MYH14: variants seen among roughly 807,000 people sequenced by gnomAD.
MYH14 encodes myosin-14.
Under a neutral mutation model 255.5 loss-of-function variants are expected in MYH14, and 123 were observed. That is an observed-to-expected ratio of 0.48 (90% CI 0.42 to 0.56). The LOEUF is 0.56. Among genes scored for constraint, MYH14 ranks in the 20% least tolerant of loss-of-function variants. The probability of loss-of-function intolerance (pLI) is 0.00; values close to 1 mark genes in which losing one functional copy is unlikely to be tolerated. For synonymous variants in MYH14, 1,095 were observed against 1,161.2 expected (o/e 0.94, Z 1.16); for missense variants, 2,423 against 2,802.3 (o/e 0.86, Z 3.06).
At chr19:50,206,342 T>C (rs2031750458) in intron 1 of MYH14, among the ~76,000 whole-genome samples, 1 of 137,612 alleles carries the variant, frequency 7.3e-6, no homozygotes, top group Non-Finnish European at 1.5e-5. Flanking sequence ...GCATAGGGCA[T>C]AGGGTGATTG....
intron 35 of MYH14, among the ~76,000 whole-genome samples, chr19:50,290,088 C>T (rs1391430429): frequency 2.6e-5 from 4 of 152,074 alleles, no homozygotes; most frequent in African/African-American, 7.2e-5. Context: ...CAGCCTCTCC[C>T]CCAACCAGCG....
rs775439060 is a variant in MYH14 at position 50,210,788 on chromosome 19, G to T, written c.405+18G>T. The stretch of plus-strand genomic sequence containing the variant: ...TCATCTACGTGAGTGGGCTCCTGCT[G>T]GGGGGCGCGTGCGGCGGAGTTGCTG... On this transcript the variant is annotated intron_variant, in intron 2 of 42. Transcript: ENST00000642316. 2.6e-6 allele frequency: 4 copies of T among 1,549,458 alleles called. No individual in the cohort carries two copies. In the South Asian group the frequency reaches 3.7e-5, roughly 14 times the overall value.
Position 50,250,688 on chromosome 19 carries a change from G to A in MYH14, c.1830G>A (p.Lys610=), listed in dbSNP as rs1188477885. 6.2e-6 allele frequency: 10 copies of A among 1,609,882 alleles called. No homozygotes were observed. The highest frequency in any genetic ancestry group is 1.3e-5 in the African/African-American group (1 of 75,000). ...TCAGTGTTCTCCACTACGCGGGCAA[G>A]GTAGGGGCTGGGGCCGGCCTTGGGG... The part of the protein sequence containing the change: ...ADFSVLHYAG[K]VDYKANEWLM... Residue 610 remains lysine, a splice_region_variant and synonymous_variant, in exon 15 of 43, where the codon AAG becomes AAA. Transcript: ENST00000642316. This position sits in a 1 kb window ranked among gnomAD's most constrained non-coding sequence, Gnocchi z 5.4.
chr19:50,224,264 C>T, intron 6 of MYH14, 87 bp downstream of exon 6: 1 of 1,580,574 alleles, frequency 6.3e-7, no homozygotes, highest in South Asian at 1.1e-5. Flanking sequence ...AGACAGGGCC[C>T]AAGGCAGCAG....
intron 2 of MYH14, among the ~76,000 whole-genome samples, chr19:50,212,833 C>G (rs2032270703): frequency 6.6e-6 from 1 of 152,158 alleles, no homozygotes; most frequent in Admixed American, 6.6e-5. Flanking sequence ...TCCAAATCCT[C>G]AAACACCTTT....
Position 50,225,579 on chromosome 19 carries a change from C to T in MYH14, c.718-6C>T, listed in dbSNP as rs201149665. 142 of 1,611,902 alleles carry T rather than the reference C, an allele frequency of 8.8e-5. No homozygotes were observed. In the African/African-American group the frequency reaches 1.4e-3, roughly 16 times the overall value. On this transcript the variant is annotated splice_polypyrimidine_tract_variant and splice_region_variant and intron_variant, in intron 6 of 42. Coordinates refer to ENST00000642316, the MANE Select transcript of MYH14 (RefSeq NM_001145809.2). ...GACCTCATGCATCATCTCCTGTGCC[C>T]GGCAGGGTGAGCTGGAGCGGCAGCT...
At chr19:50,259,433 G>A (rs2034738781) in intron 19 of MYH14, among the ~76,000 whole-genome samples, 168 bp downstream of exon 19, 2 of 152,196 alleles carry the variant, frequency 1.3e-5, no homozygotes, top group Admixed American at 1.3e-4. Context: ...TCTGTGTATG[G>A]GAGAACAATA....
intron 10 of MYH14, among the ~76,000 whole-genome samples, chr19:50,236,057 C>T (rs765692627): frequency 5.3e-5 from 8 of 151,138 alleles, no homozygotes; most frequent in Non-Finnish European, 7.4e-5. Context: ...GCTAAGCCAG[C>T]GCAGTGGCTC....
rs1280035528 is a variant in MYH14 at position 50,309,729 on chromosome 19, C to T, written c.6050C>T (p.Ala2017Val). 6.2e-7 allele frequency: 1 copy of T among 1,600,010 alleles called. No homozygotes were observed. The highest frequency in any genetic ancestry group is 1.3e-5 in the African/African-American group (1 of 74,572). The stretch of plus-strand genomic sequence containing the variant: ...GCATCCGACGAGGAGGCAGAGGAAG[C>T]ACAGCCTGGGTCTGGGCCATCCCCG... ...GVASDEEAEE[A>V]QPGSGPSPEP... Residue 2017 changes from alanine (A) to valine (V), a missense_variant, in exon 43 of 43, where the codon GCA becomes GTA. Ala to Val is a moderately conservative substitution (Grantham distance 64). Transcript: ENST00000642316.
chr19:50,206,639 G>C (rs2031771462), intron 1 of MYH14, among the ~76,000 whole-genome samples: 1 of 152,088 alleles, frequency 6.6e-6, no homozygotes, highest in South Asian at 2.1e-4. Flanking sequence ...GATGGGAGGA[G>C]AGGGTCTGGG....
chr19:50,225,744 C>T, intron 7 of MYH14, 67 bp downstream of exon 7: 2 of 1,251,838 alleles, frequency 1.6e-6, no homozygotes, highest in Middle Eastern at 1.9e-4. Flanking sequence ...TCAGGGTGGG[C>T]TTCAGGGGGA....
rs568303351 is a variant in MYH14 at position 50,247,787 on chromosome 19, C to G, written c.1329+665C>G. Reference sequence around the variant, plus strand: ...GGAACATTAAGCAGGTCAGTGAGGCCGGGTGTGGGGGCTCATGCCTGTAAT... The same window carrying G: ...GGAACATTAAGCAGGTCAGTGAGGCGGGGTGTGGGGGCTCATGCCTGTAAT... On this transcript the variant is annotated intron_variant, in intron 12 of 42. Transcript: ENST00000642316. Among the ~76,000 whole-genome samples, 106 of 151,176 alleles carry G rather than the reference C, an allele frequency of 7.0e-4. 2 individuals carry two copies. In the Middle Eastern group the frequency reaches 0.028, roughly 39 times the overall value.
intron 10 of MYH14, among the ~76,000 whole-genome samples, chr19:50,233,767 C>T (rs113635247): frequency 0.083 from 12,442 of 150,658 alleles, 726 homozygotes; most frequent in Non-Finnish European, 0.12. Flanking sequence ...CACATGGCGG[C>T]TCCCTGTGTG....
chr19:50,223,013 G>T, intron 3 of MYH14, 70 bp from the exon 4 acceptor site: 1 of 1,436,278 alleles, frequency 7.0e-7, no homozygotes, highest in Admixed American at 1.7e-5. Flanking sequence ...GCAGCGGCCA[G>T]TGTAAGGGAC....
rs1205179650 is a variant in MYH14, at chr19:50,210,537, G to C, written c.172G>C (p.Val58Leu). The change falls in exon 2 of 43, where the codon GTG (valine) becomes CTG (leucine). Residue 58 changes from valine to leucine, a missense_variant. Around this residue, in one of 3 missense-constraint regions of MYH14, gnomAD observed 238 missense variants for 245.8 expected, o/e 0.97. Coordinates refer to ENST00000642316, the MANE Select transcript of MYH14 (RefSeq NM_001145809.2). Reference protein sequence around the residue: ...VEWTARRLVWVPSELHGFEAA... With the variant: ...VEWTARRLVWLPSELHGFEAA... ...GTGGACGGCCCGGCGTCTCGTGTGG[G>C]TGCCTTCGGAGCTTCACGGGTTCGA... 2 of 1,580,216 alleles carry C rather than the reference G, an allele frequency of 1.3e-6. No individual in the cohort carries two copies. Among genetic ancestry groups the C allele is most frequent in the Admixed American group, 3.7e-5 (2 of 54,788 alleles).
intron 40 of MYH14, among the ~76,000 whole-genome samples, chr19:50,303,451 A>C (rs1464787326): frequency 6.6e-6 from 1 of 152,150 alleles, no homozygotes; most frequent in African/African-American, 2.4e-5. Context: ...TGAGGCCTGC[A>C]CTTGGAACTG....
intron 35 of MYH14, among the ~76,000 whole-genome samples, 188 bp downstream of exon 35, chr19:50,289,836 G>A (rs1442580341): frequency 6.6e-6 from 1 of 151,736 alleles, no homozygotes; most frequent in African/African-American, 2.4e-5. Flanking sequence ...CTGCCACTCG[G>A]TGTCTCCCCA....
intron 39 of MYH14, among the ~76,000 whole-genome samples, chr19:50,299,866 C>A (rs1316904003): frequency 6.6e-6 from 1 of 150,726 alleles, no homozygotes; most frequent in Non-Finnish European, 1.5e-5. Flanking sequence ...AATCGCTTGA[C>A]CCCGGGAGGC....
chr19:50,291,255 C>G (rs1252133964), intron 36 of MYH14, among the ~76,000 whole-genome samples: 1 of 151,720 alleles, frequency 6.6e-6, no homozygotes, highest in Admixed American at 6.6e-5. Context: ...AAATGCTGCA[C>G]TTTTAAGTCA....
Sources: gnomAD v4.1 joint callset for allele counts (sites outside exome capture counted in the v4.1 genomes callset) on GRCh38, gnomAD v4.1.1 for gene constraint, gnomAD v4.1.1 regional missense constraint, Gnocchi (gnomAD v3.1) non-coding constraint, MANE v1.5 for transcripts, NCBI Gene and HGNC (gene_info 2026-07-23, HGNC 2026-07-21) for gene names.